TTC7B: variants seen among roughly 807,000 people sequenced by gnomAD.
TTC7B encodes tetratricopeptide repeat domain 7B.
In TTC7B, 28 loss-of-function variants were observed where a neutral mutation model predicts 106.8. That is an observed-to-expected ratio of 0.26 (90% confidence interval 0.19 to 0.36). TTC7B has a LOEUF of 0.36. Among genes scored for constraint, TTC7B ranks in the 10% least tolerant of loss-of-function variants. The pLI is 1.00. For synonymous variants in TTC7B, 405 were observed against 430.6 expected, an observed-to-expected ratio of 0.94 and a Z score of 0.74; for missense variants, 862 against 1,076.4, an observed-to-expected ratio of 0.80 and a Z score of 2.79.
At position 90,759,228 on chromosome 14, in the gene TTC7B, CGA is replaced by C. The variant is rs1156842303; in HGVS notation, c.446-14308_446-14307del. 6.6e-6 allele frequency among the ~76,000 whole-genome samples: 1 copy of C among 152,188 alleles called. No individual in the cohort carries two copies. The highest frequency in any genetic ancestry group is 6.5e-5 in the Admixed American group (1 of 15,282). Reference sequence around the variant, plus strand: ...ACAATCTGTGTTCTGCTCCCGCCCCCGAGAGAGTTCTGAGCTTTCCAAATATG... The same window carrying C: ...ACAATCTGTGTTCTGCTCCCGCCCCCGAGAGTTCTGAGCTTTCCAAATATG... On this transcript the variant is annotated intron_variant, in intron 3 of 19. Transcript: ENST00000328459. This position sits in a 1 kb window ranked among gnomAD's most constrained non-coding sequence, Gnocchi z 4.1.
intron 1 of TTC7B, among the ~76,000 whole-genome samples, chr14:90,794,056 C>G (rs147464392): frequency 4.0e-5 from 6 of 151,190 alleles, no homozygotes; most frequent in Non-Finnish European, 8.8e-5. Flanking sequence ...GCACGCGCCA[C>G]CATACCTGGC....
intron 2 of TTC7B, 104 bp downstream of exon 2, chr14:90,786,070 G>A (rs1891375618): frequency 1.5e-5 from 19 of 1,285,612 alleles, no homozygotes; most frequent in Non-Finnish European, 1.8e-5. Context: ...AGCCCTGGCA[G>A]TGTGCAGGTG....
At chr14:90,610,668 T>C in intron 17 of TTC7B, 74 bp downstream of exon 17, 2 of 1,096,416 alleles carry the variant, frequency 1.8e-6, no homozygotes. Flanking sequence ...ATCAGTCTCA[T>C]CCCATGTCAC....
At chr14:90,768,578 C>T (rs1890764211) in intron 3 of TTC7B, among the ~76,000 whole-genome samples, 1 of 152,148 alleles carries the variant, frequency 6.6e-6, no homozygotes, top group Admixed American at 6.5e-5. Context: ...CAAACCATAT[C>T]AACCAAGAAT....
intron 15 of TTC7B, among the ~76,000 whole-genome samples, chr14:90,631,440 G>T (rs1461151945): frequency 7.3e-6 from 1 of 137,098 alleles, no homozygotes; most frequent in East Asian, 2.1e-4. Flanking sequence ...ACAGATTCTC[G>T]CTCTGTCACC....
chr14:90,632,385 C>CT (rs1209378664), intron 15 of TTC7B, among the ~76,000 whole-genome samples: 2 of 152,134 alleles, frequency 1.3e-5, no homozygotes, highest in Non-Finnish European at 2.9e-5. Flanking sequence ...CTGAACTTCT[C>CT]TGAGAGTATG....
At chr14:90,616,793 C>T (rs1271659387) in intron 16 of TTC7B, among the ~76,000 whole-genome samples, 5 of 152,176 alleles carry the variant, frequency 3.3e-5, no homozygotes, top group Non-Finnish European at 1.5e-5. Context: ...CTGCAGACCA[C>T]GGCCACCAGC....
intron 5 of TTC7B, among the ~76,000 whole-genome samples, chr14:90,711,325 T>C (rs1888436418): frequency 6.6e-6 from 1 of 152,202 alleles, no homozygotes; most frequent in Non-Finnish European, 1.5e-5. Context: ...GAAATGAAGC[T>C]ATATTGGAGC....
At chr14:90,743,981 C>T (rs1889863389) in intron 4 of TTC7B, among the ~76,000 whole-genome samples, 1 of 152,226 alleles carries the variant, frequency 6.6e-6, no homozygotes, top group South Asian at 2.1e-4. Flanking sequence ...CTGCTCGTTT[C>T]CATCACCCAC....
intron 5 of TTC7B, among the ~76,000 whole-genome samples, chr14:90,707,239 G>A (rs965329952): frequency 6.6e-6 from 1 of 152,102 alleles, no homozygotes; most frequent in African/African-American, 2.4e-5. Flanking sequence ...GTTTGGGGGT[G>A]CCACAAACCA....
At chr14:90,736,343 C>T (rs1889526138) in intron 4 of TTC7B, among the ~76,000 whole-genome samples, 2 of 151,926 alleles carry the variant, frequency 1.3e-5, no homozygotes, top group African/African-American at 4.8e-5. Flanking sequence ...GAGGCCAAGG[C>T]AGGTGAATCA....
At chr14:90,671,602 G>GA (rs1886635596) in intron 9 of TTC7B, among the ~76,000 whole-genome samples, 1 of 152,084 alleles carries the variant, frequency 6.6e-6, no homozygotes, top group African/African-American at 2.4e-5. Flanking sequence ...AAATGAAGAG[G>GA]AAAAAAAGAA....
rs958549195 is a variant in TTC7B at position 90,536,885 on chromosome 14, G to C, written c.*4483C>G. Reference sequence around the variant, plus strand: ...GTGATTGAACGAAGGCTCTCGAGGTGGGGCAATGGCCCTGGACTATCCAGG... The same window carrying C: ...GTGATTGAACGAAGGCTCTCGAGGTCGGGCAATGGCCCTGGACTATCCAGG... On this transcript the variant is annotated 3_prime_UTR_variant, in exon 20 of 20. Transcript: ENST00000328459. The C allele has an allele frequency of 2.0e-5, 3 of 152,338 alleles. No individual in the cohort carries two copies. The highest frequency in any genetic ancestry group is 7.2e-5 in the African/African-American group (3 of 41,472). The allele number at this position is 152,338 out of a possible 1,614,324, so 9.4% of individuals were successfully genotyped here.
At chr14:90,747,509 C>T (rs746121835) in intron 3 of TTC7B, among the ~76,000 whole-genome samples, 13 of 152,136 alleles carry the variant, frequency 8.5e-5, no homozygotes, top group Non-Finnish European at 1.2e-4. Context: ...AGAACACACC[C>T]GAAGTCTCCT....
chr14:90,589,320 C>T (rs1019137549), intron 18 of TTC7B, among the ~76,000 whole-genome samples: 1 of 152,188 alleles, frequency 6.6e-6, no homozygotes, highest in African/African-American at 2.4e-5. Context: ...CCCTTGAATA[C>T]CAAAATCCAT....
At position 90,808,433 on chromosome 14, in the gene TTC7B, G is replaced by A. The variant is rs773488179; in HGVS notation, c.121+7742C>T. 7.2e-5 allele frequency among the ~76,000 whole-genome samples: 11 copies of A among 152,194 alleles called. No homozygotes were observed. The highest frequency in any genetic ancestry group is 2.0e-4 in the Admixed American group (3 of 15,282). On this transcript the variant is annotated intron_variant, in intron 1 of 19. Transcript: ENST00000328459. This position sits in a 1 kb window ranked among gnomAD's most constrained non-coding sequence, Gnocchi z 4.2. Reference sequence around the variant, plus strand: ...GTGATGTGTACAAGGTGGCTTGGAGGGCAAATGCAGAAGATTCTGACTCCA... The same window carrying A: ...GTGATGTGTACAAGGTGGCTTGGAGAGCAAATGCAGAAGATTCTGACTCCA...
At chr14:90,702,697 A>AG (rs1290540955) in intron 5 of TTC7B, among the ~76,000 whole-genome samples, 2 of 152,218 alleles carry the variant, frequency 1.3e-5, no homozygotes, top group African/African-American at 2.4e-5. Flanking sequence ...ACCATGTCCC[A>AG]GGAACTCCCT....
chr14:90,703,153 C>T (rs996993188), intron 5 of TTC7B, among the ~76,000 whole-genome samples: 7 of 152,194 alleles, frequency 4.6e-5, no homozygotes. Flanking sequence ...TCCCCGTCAG[C>T]CTGCTTCATA....
At chr14:90,792,351 T>C (rs111463144) in intron 1 of TTC7B, among the ~76,000 whole-genome samples, 6,449 of 151,916 alleles carry the variant, frequency 0.042, 187 homozygotes, top group Non-Finnish European at 0.058. Flanking sequence ...CCGAGGCAGG[T>C]GGATCGCTTG....
Sources: gnomAD v4.1 joint callset for allele counts (sites outside exome capture counted in the v4.1 genomes callset) on GRCh38, gnomAD v4.1.1 for gene constraint, Gnocchi (gnomAD v3.1) non-coding constraint, MANE v1.5 for transcripts, NCBI Gene and HGNC (gene_info 2026-07-23, HGNC 2026-07-21) for gene names.